The following DCLK1 variants were observed in gnomAD, a reference collection of about 807,000 sequenced individuals.
DCLK1 encodes the protein doublecortin like kinase 1, also known as serine/threonine-protein kinase DCLK1.
Under a neutral mutation model 86.2 loss-of-function variants are expected in DCLK1, and 16 were observed. That is an observed-to-expected ratio of 0.19 (90% CI 0.13 to 0.28). DCLK1 has a LOEUF of 0.28. DCLK1 is among the 10% of genes least tolerant of loss of function. The pLI is 1.00. For synonymous variants in DCLK1, 369 were observed against 370.5 expected, an observed-to-expected ratio of 1.00 and a Z score of 0.05; for missense variants, 590 against 940.2, an observed-to-expected ratio of 0.63 and a Z score of 4.87.
chr13:36,048,029 C>CA (rs1167948736), intron 3 of DCLK1, among the ~76,000 whole-genome samples: 3 of 152,210 alleles, frequency 2.0e-5, no homozygotes, highest in Non-Finnish European at 2.9e-5. Context: ...GTTCTCCCCA[C>CA]AAAAATATGA....
chr13:35,801,525 TCTC>T (rs2086920231), intron 15 of DCLK1, among the ~76,000 whole-genome samples: 2 of 151,770 alleles, frequency 1.3e-5, no homozygotes, highest in Non-Finnish European at 2.9e-5. Flanking sequence ...TAGTTTTCGA[TCTC>T]CTAGATGATT....
intron 4 of DCLK1, among the ~76,000 whole-genome samples, chr13:35,940,948 C>T (rs561569121): frequency 3.9e-4 from 59 of 152,222 alleles, no homozygotes; most frequent in Non-Finnish European, 6.6e-4. Context: ...TCCCCAGCAT[C>T]GTTCACTGGG....
intron 4 of DCLK1, among the ~76,000 whole-genome samples, chr13:35,893,355 C>G (rs1613065): frequency 0.78 from 119,082 of 152,178 alleles, 48,561 homozygotes; most frequent in Middle Eastern, 0.9. Flanking sequence ...AGAATAAAAC[C>G]CCGTTTCTAT....
At chr13:35,787,292 T>C (rs1029958740) in intron 16 of DCLK1, among the ~76,000 whole-genome samples, 2 of 151,788 alleles carry the variant, frequency 1.3e-5, no homozygotes, top group African/African-American at 4.9e-5. Flanking sequence ...TTTTTTTTTT[T>C]TCAAATACTA....
intron 5 of DCLK1, among the ~76,000 whole-genome samples, chr13:35,861,949 A>G (rs930520021): frequency 6.7e-6 from 1 of 148,726 alleles, no homozygotes; most frequent in African/African-American, 2.5e-5. Context: ...GGAGAATGGC[A>G]TGAACCCAGG....
intron 4 of DCLK1, among the ~76,000 whole-genome samples, chr13:35,879,747 T>C (rs1276179085): frequency 6.6e-6 from 1 of 152,184 alleles, no homozygotes; most frequent in Non-Finnish European, 1.5e-5. Flanking sequence ...AGCTGATCTG[T>C]TCCTTGTTCT....
At chr13:36,095,070 G>GA (rs1212843091) in intron 3 of DCLK1, among the ~76,000 whole-genome samples, 1 of 151,886 alleles carries the variant, frequency 6.6e-6, no homozygotes, top group Non-Finnish European at 1.5e-5. Flanking sequence ...TCTATGAACA[G>GA]AAAATGTTTT....
At position 35,770,811 on chromosome 13, in the gene DCLK1, T is replaced by C. The variant is rs990023155; in HGVS notation, c.*3724A>G. On this transcript the variant is annotated 3_prime_UTR_variant, in exon 17 of 17. Transcript: ENST00000360631. ...TGAAATCACTATTAAGGAGGGACCA[T>C]ACCAGATTTTTTTGTTGTTCTTTTC... 2.0e-5 allele frequency: 3 copies of C among 152,168 alleles called. No individual in the cohort carries two copies. The highest frequency in any genetic ancestry group is 2.9e-5 in the Non-Finnish European group (2 of 68,030). 9.4% of individuals were successfully genotyped at this position (152,168 alleles called of 1,614,324 possible).
At position 35,947,365 on chromosome 13, in the gene DCLK1, A is replaced by G; in HGVS notation, c.816T>C (p.Asp272=). 6.2e-7 allele frequency: 1 copy of G among 1,613,472 alleles called. No homozygotes were observed. The highest frequency in any genetic ancestry group is 8.5e-7 in the Non-Finnish European group (1 of 1,179,704). ...AACTTTTTTTTTCCTTACCACTTTC[A>G]TCTAGCAAGAAATCATCCTGGTAAC... ...KFRYQDDFLL[D]ESECRVVKST... is the part of the protein sequence containing the mutation. Residue 272 remains aspartate, a synonymous_variant, in exon 4 of 17, where the codon GAT becomes GAC. Coordinates refer to ENST00000360631, the MANE Select transcript of DCLK1 (RefSeq NM_001330071.2).
intron 15 of DCLK1, 109 bp from the exon 16 acceptor site, chr13:35,793,588 T>G (rs2086747151): frequency 1.2e-6 from 1 of 824,772 alleles, no homozygotes; most frequent in Admixed American, 2.7e-5. Flanking sequence ...TCATAAGATG[T>G]CAGAAATAAA....
At chr13:36,074,352 A>G (rs1019988022) in intron 3 of DCLK1, among the ~76,000 whole-genome samples, 5 of 151,822 alleles carry the variant, frequency 3.3e-5, no homozygotes, top group African/African-American at 1.2e-4. Context: ...AATACAAAAA[A>G]TTAGCAGGGC....
intron 3 of DCLK1, among the ~76,000 whole-genome samples, chr13:36,074,468 CAAAAAAAAAAAAAAAAAA>C (rs768865436): frequency 6.9e-4 from 55 of 79,340 alleles, no homozygotes; most frequent in African/African-American, 8.8e-4. Context: ...GACTCCGTCT[CAAAAAAAAAAAAAAAAAA>C]AAAAAAAAAA....
chr13:35,919,665 TA>T (rs1167554050), intron 4 of DCLK1, among the ~76,000 whole-genome samples: 3 of 151,964 alleles, frequency 2.0e-5, no homozygotes, highest in African/African-American at 7.3e-5. Flanking sequence ...TTTCAACAAT[TA>T]AAAGTTTACC....
chr13:35,822,665 A>T, intron 11 of DCLK1, 64 bp downstream of exon 11: 1 of 1,560,158 alleles, frequency 6.4e-7, no homozygotes, highest in Non-Finnish European at 8.8e-7. Flanking sequence ...AGAAAAAAGA[A>T]ATATTCATAT....
intron 3 of DCLK1, among the ~76,000 whole-genome samples, chr13:36,044,576 T>C (rs557950462): frequency 3.3e-5 from 5 of 152,244 alleles, no homozygotes; most frequent in South Asian, 4.1e-4. Context: ...GATAGGTACA[T>C]AGAAAACTCA....
chr13:35,848,445 G>A (rs1870372906), intron 6 of DCLK1: 2 of 985,086 alleles, frequency 2.0e-6, no homozygotes, highest in African/African-American at 1.7e-5. Context: ...GATATATATA[G>A]CCCCTGAACA....
intron 6 of DCLK1, among the ~76,000 whole-genome samples, chr13:35,853,918 C>A (rs549371157): frequency 1.2e-4 from 19 of 152,334 alleles, no homozygotes; most frequent in African/African-American, 4.6e-4. Flanking sequence ...CCCTCACCCT[C>A]TTCCTTAGGG....
chr13:35,987,201 C>T (rs1879961284), intron 3 of DCLK1, among the ~76,000 whole-genome samples: 1 of 152,064 alleles, frequency 6.6e-6, no homozygotes, highest in South Asian at 2.1e-4. Flanking sequence ...ATGGGTGGAT[C>T]ACTTGAGCTC....
chr13:36,008,186 G>T (rs1593812149), intron 3 of DCLK1, among the ~76,000 whole-genome samples: 2 of 69,460 alleles, frequency 2.9e-5, no homozygotes, highest in Admixed American at 2.0e-4. Context: ...TTTTTTCAGA[G>T]TCCACAGAGC....
Sources: gnomAD v4.1 joint callset for allele counts (sites outside exome capture counted in the v4.1 genomes callset) on GRCh38, gnomAD v4.1.1 for gene constraint, MANE v1.5 for transcripts, NCBI Gene and HGNC (gene_info 2026-07-23, HGNC 2026-07-21) for gene names.